DTNA: variants seen among roughly 807,000 people sequenced by gnomAD.
The protein encoded by DTNA is dystrophin-related protein 3.
A neutral mutation model predicts 100.7 loss-of-function variants in DTNA; 43 were observed. The observed-to-expected ratio is 0.43, with a 90% confidence interval of 0.33 to 0.55. The LOEUF (loss-of-function observed/expected upper bound fraction) is 0.55. Ranked by LOEUF, DTNA falls within the 20% of genes least tolerant of loss-of-function variation. DTNA has a pLI of 0.04. For missense variants in DTNA, 798 were observed against 953.9 expected, an observed-to-expected ratio of 0.84 and a Z score of 2.15; for synonymous variants, 349 against 347.9, an observed-to-expected ratio of 1.00 and a Z score of -0.04.
intron 19 of DTNA, 131 bp downstream of exon 19, chr18:34,877,939 G>T: frequency 4.5e-6 from 4 of 897,344 alleles, no homozygotes; most frequent in Non-Finnish European, 6.9e-6. Flanking sequence ...ATATTTTGTT[G>T]GTCTATTCAG....
chr18:34,630,611 A>G (rs982676618), intron 1 of DTNA, among the ~76,000 whole-genome samples: 2 of 150,156 alleles, frequency 1.3e-5, no homozygotes, highest in African/African-American at 5.1e-5. Context: ...CACAGGAGGT[A>G]AAGAGTGTCA....
intron 13 of DTNA, among the ~76,000 whole-genome samples, chr18:34,845,187 C>T (rs1371619115): frequency 6.6e-6 from 1 of 152,088 alleles, no homozygotes; most frequent in African/African-American, 2.4e-5. Context: ...GCCTCCTTCA[C>T]CCTTGTATAA....
chr18:34,499,040 C>T (rs1011359752), intron 1 of DTNA, among the ~76,000 whole-genome samples: 8 of 152,102 alleles, frequency 5.3e-5, no homozygotes, highest in Admixed American at 2.6e-4. Context: ...ATATCACAAC[C>T]AGGATGTTGA....
chr18:34,862,069 T>G (rs545354697), intron 16 of DTNA, among the ~76,000 whole-genome samples: 1 of 151,264 alleles, frequency 6.6e-6, no homozygotes, highest in African/African-American at 2.4e-5. Flanking sequence ...ACATTATCTA[T>G]TCTTGTACCA....
At chr18:34,713,915 CTCTG>C (rs1172201573) in intron 1 of DTNA, among the ~76,000 whole-genome samples, 4 of 152,008 alleles carry the variant, frequency 2.6e-5, no homozygotes, top group African/African-American at 9.7e-5. Context: ...TGATTTGGCT[CTCTG>C]TCTGTTGTTG....
intron 2 of DTNA, among the ~76,000 whole-genome samples, chr18:34,761,123 C>T (rs1347060895): frequency 7.0e-6 from 1 of 143,444 alleles, no homozygotes; most frequent in African/African-American, 2.7e-5. Context: ...CTCCCTCCAT[C>T]CTTCACACAC....
At position 34,884,981 on chromosome 18, in the gene DTNA, G is replaced by C. The variant is rs565255; in HGVS notation, c.*31+205G>C. On this transcript the variant is annotated intron_variant, in intron 22 of 22. Coordinates refer to ENST00000444659, the MANE Select transcript of DTNA (RefSeq NM_001386795.1). Reference sequence around the variant, plus strand: ...GAGATTTGCCAGACATCCTTGGGAGGTGACTTCTTACTCTATTAGCTAGGA... The same window carrying C: ...GAGATTTGCCAGACATCCTTGGGAGCTGACTTCTTACTCTATTAGCTAGGA... Among the ~76,000 whole-genome samples the C allele has an allele frequency of 0.17, 25,989 of 152,006 alleles. 2,362 individuals are homozygous for C. The highest frequency in any genetic ancestry group is 0.18 in the South Asian group (889 of 4,816).
At chr18:34,598,679 C>T (rs6507098) in intron 1 of DTNA, among the ~76,000 whole-genome samples, 6,754 of 152,064 alleles carry the variant, frequency 0.044, 481 homozygotes, top group African/African-American at 0.15. Flanking sequence ...CTGGCTAACA[C>T]GGTGAAACCC....
chr18:34,624,615 T>C (rs2057050793), intron 1 of DTNA, among the ~76,000 whole-genome samples: 1 of 152,246 alleles, frequency 6.6e-6, no homozygotes, highest in Admixed American at 6.5e-5. Flanking sequence ...AAGGCTGATA[T>C]GTTAAATAAA....
In DTNA at chr18:34,505,574, A is replaced by G. The variant is rs112560478; in HGVS notation, c.-2+12060A>G. On this transcript the variant is annotated intron_variant, in intron 1 of 19. Transcript: ENST00000283365. ...CAAATTGAGTGATTTCTATTTTTCTATCTTGTAGCTCCCATGTTCTTTTCT... is the reference window on the plus strand; with the variant it reads ...CAAATTGAGTGATTTCTATTTTTCTGTCTTGTAGCTCCCATGTTCTTTTCT... Among the ~76,000 whole-genome samples, 1,066 of 151,768 alleles carry G rather than the reference A, an allele frequency of 7.0e-3. 18 individuals are homozygous for G. The highest frequency in any genetic ancestry group is 0.025 in the African/African-American group (1,023 of 41,358).
chr18:34,558,504 T>C (rs2046337271), intron 1 of DTNA, among the ~76,000 whole-genome samples: 1 of 152,138 alleles, frequency 6.6e-6, no homozygotes, highest in Non-Finnish European at 1.5e-5. Flanking sequence ...TAAACAAAAA[T>C]ACGTTACTGC....
intron 14 of DTNA, among the ~76,000 whole-genome samples, chr18:34,850,699 G>A (rs551094309): frequency 6.6e-6 from 1 of 152,204 alleles, no homozygotes; most frequent in African/African-American, 2.4e-5. Flanking sequence ...TTGGTGTGGA[G>A]GAATTTCTAA....
chr18:34,698,562 A>G (rs901413490), intron 1 of DTNA, among the ~76,000 whole-genome samples: 6 of 152,182 alleles, frequency 3.9e-5, no homozygotes, highest in African/African-American at 1.4e-4. Context: ...TGGTTCTCCA[A>G]AGATACACAA....
rs533734796 is a variant in DTNA, at chr18:34,560,921, C to A, written c.-2+67407C>A. 2.6e-5 allele frequency among the ~76,000 whole-genome samples: 4 copies of A among 152,098 alleles called. No individual in the cohort carries two copies. In the South Asian group the frequency reaches 8.3e-4, roughly 32 times the overall value. On this transcript the variant is annotated intron_variant, in intron 1 of 19. Coordinates refer to the DTNA transcript ENST00000283365. ...TGGGTGACAGAGGGAGACCCTGTCT[C>A]AAAAAATAAAATTTGAATAACGTTT...
At chr18:34,857,334 T>C (rs1450729137) in intron 15 of DTNA, among the ~76,000 whole-genome samples, 3 of 152,228 alleles carry the variant, frequency 2.0e-5, no homozygotes, top group Non-Finnish European at 4.4e-5. Flanking sequence ...GGAAAGCTAC[T>C]TCCTTGTACA....
chr18:34,520,737 C>T (rs1440070538), intron 1 of DTNA, among the ~76,000 whole-genome samples: 4 of 152,112 alleles, frequency 2.6e-5, no homozygotes, highest in Non-Finnish European at 5.9e-5. Context: ...TATTGTTTAT[C>T]TCAGGCCTCT....
In DTNA at chr18:34,728,284, A is replaced by G. The variant is rs557492427; in HGVS notation, c.-2+17839A>G. 2.0e-3 allele frequency among the ~76,000 whole-genome samples: 312 copies of G among 152,344 alleles called. 2 individuals are homozygous for G. Among genetic ancestry groups the G allele is most frequent in the African/African-American group, 7.2e-3 (300 of 41,580 alleles). The stretch of plus-strand genomic sequence containing the variant: ...AAATGATTTTGACAAAGAAAGGACA[A>G]AAAACAAGGCCCACTTCTTAGTTTA... On this transcript the variant is annotated intron_variant, in intron 1 of 22. Coordinates refer to ENST00000444659, the MANE Select transcript of DTNA (RefSeq NM_001386795.1).
chr18:34,657,212 C>T (rs570585313), intron 1 of DTNA, among the ~76,000 whole-genome samples: 25 of 152,238 alleles, frequency 1.6e-4, no homozygotes, highest in Admixed American at 3.3e-4. Context: ...TTTTTAACCC[C>T]TACCATTTCT....
At chr18:34,503,305 T>TG (rs1491321277) in intron 1 of DTNA, among the ~76,000 whole-genome samples, 27 of 99,612 alleles carry the variant, frequency 2.7e-4, no homozygotes, top group Admixed American at 6.9e-4. Context: ...TTTTTTTTTT[T>TG]GAGACAGAGT....
Sources: allele counts gnomAD v4.1 joint callset (sites outside exome capture counted in the v4.1 genomes callset), GRCh38; gene constraint gnomAD v4.1.1; transcripts MANE v1.5; gene names NCBI Gene and HGNC (gene_info 2026-07-23, HGNC 2026-07-21).